The following CSMD1 variants were observed in gnomAD, a reference collection of about 807,000 sequenced individuals.
CSMD1 encodes the protein CUB and sushi domain-containing protein 1.
CSMD1 carries 213 observed loss-of-function variants against 417.5 expected under a neutral mutation model. The ratio of observed to expected loss-of-function variants is 0.51; its 90% CI spans 0.46 to 0.57. CSMD1 has a LOEUF of 0.57. Ranked by LOEUF, CSMD1 falls within the 20% of genes least tolerant of loss-of-function variation. The pLI is 0.00. For synonymous variants in CSMD1, 2,862 were observed against 1,736.8 expected, an observed-to-expected ratio of 1.65 and a Z score of -16.11; for missense variants, 6,923 against 4,529.7, an observed-to-expected ratio of 1.53 and a Z score of -15.17.
intron 54 of CSMD1, among the ~76,000 whole-genome samples, chr8:2,992,164 G>C (rs1342022909): frequency 2.0e-5 from 3 of 151,814 alleles, no homozygotes; most frequent in Non-Finnish European, 4.4e-5. Context: ...CACATGAACA[G>C]ACATGCACAC....
At chr8:3,276,945 G>A (rs541636232) in intron 26 of CSMD1, among the ~76,000 whole-genome samples, 12 of 152,128 alleles carry the variant, frequency 7.9e-5, no homozygotes, top group Non-Finnish European at 1.3e-4. Context: ...AATGGGCTAA[G>A]CACTATTATA....
intron 3 of CSMD1, among the ~76,000 whole-genome samples, chr8:4,216,837 A>G (rs1432458848): frequency 6.6e-6 from 1 of 152,150 alleles, no homozygotes; most frequent in Non-Finnish European, 1.5e-5. Context: ...AAACATGAGG[A>G]TGGGGTGTCA....
intron 1 of CSMD1, among the ~76,000 whole-genome samples, chr8:4,826,083 T>C (rs576515538): frequency 1.3e-5 from 2 of 151,936 alleles, no homozygotes; most frequent in African/African-American, 4.8e-5. Context: ...TGGAGTTTCC[T>C]CAAAAAATTA....
At chr8:4,948,117 C>G (rs1020847693) in intron 1 of CSMD1, among the ~76,000 whole-genome samples, 5 of 151,828 alleles carry the variant, frequency 3.3e-5, no homozygotes, top group Non-Finnish European at 7.4e-5. Context: ...TCCAAATGGT[C>G]GTATCAATTT....
intron 1 of CSMD1, among the ~76,000 whole-genome samples, chr8:4,642,377 T>G (rs551749809): frequency 6.6e-6 from 1 of 152,228 alleles, no homozygotes; most frequent in South Asian, 2.1e-4. Context: ...ACCCCTCCAC[T>G]CTGAACACCC....
At chr8:4,339,778 C>A (rs1313599655) in intron 3 of CSMD1, among the ~76,000 whole-genome samples, 1 of 152,070 alleles carries the variant, frequency 6.6e-6, no homozygotes, top group Non-Finnish European at 1.5e-5. Context: ...AATCCTAATG[C>A]TTTGGGAGAA....
At chr8:3,747,704 C>A (rs778247193) in intron 6 of CSMD1, among the ~76,000 whole-genome samples, 34 of 152,082 alleles carry the variant, frequency 2.2e-4, no homozygotes, top group Admixed American at 1.2e-3. Flanking sequence ...TGGACACATG[C>A]CTGAAATGTT....
At chr8:3,842,116 TA>T (rs1369029037) in intron 5 of CSMD1, among the ~76,000 whole-genome samples, 1 of 152,214 alleles carries the variant, frequency 6.6e-6, no homozygotes, top group East Asian at 1.9e-4. Flanking sequence ...TCATTCTGCC[TA>T]ATTCAACCCC....
chr8:4,026,515 G>A (rs879884996), intron 4 of CSMD1, among the ~76,000 whole-genome samples: 5 of 152,160 alleles, frequency 3.3e-5, no homozygotes, highest in African/African-American at 9.7e-5. Flanking sequence ...TGGAGGATAT[G>A]TAAGCAAAAA....
chr8:3,883,984 C>G (rs1806385685), intron 5 of CSMD1, among the ~76,000 whole-genome samples: 1 of 152,102 alleles, frequency 6.6e-6, no homozygotes, highest in Non-Finnish European at 1.5e-5. Context: ...CTAAGATAAA[C>G]AGACACATTT....
chr8:4,160,116 T>C (rs1487051879), intron 3 of CSMD1, among the ~76,000 whole-genome samples: 6 of 152,014 alleles, frequency 3.9e-5, no homozygotes, highest in Non-Finnish European at 8.8e-5. Flanking sequence ...CTGAGGACAT[T>C]AAAAAATAAC....
Position 3,535,032 on chromosome 8 carries a change from T to G in CSMD1, c.1344+39913A>C, listed in dbSNP as rs74483382. 0.01 allele frequency among the ~76,000 whole-genome samples: 1,597 copies of G among 152,248 alleles called. 80 individuals carry two copies. The East Asian group carries it at 0.16, about 15-fold the overall frequency. On this transcript the variant is annotated intron_variant, in intron 10 of 69. Transcript: ENST00000635120. ...GTGCAATCAGAACTCACCGTAGCAT[T>G]CAACTCCTGGGCTTAAGCCAGTCTC...
At chr8:4,202,216 G>A (rs1002366065) in intron 3 of CSMD1, among the ~76,000 whole-genome samples, 19 of 152,024 alleles carry the variant, frequency 1.2e-4, no homozygotes, top group African/African-American at 4.3e-4. Context: ...AATGAGATGT[G>A]ACTATTTGAT....
intron 5 of CSMD1, among the ~76,000 whole-genome samples, chr8:3,844,823 T>G (rs1210742176): frequency 6.6e-6 from 1 of 152,186 alleles, no homozygotes. Context: ...CAGATTTTGT[T>G]TTTGTTTTTG....
At chr8:3,531,239 C>T (rs1193369592) in intron 10 of CSMD1, among the ~76,000 whole-genome samples, 1 of 152,116 alleles carries the variant, frequency 6.6e-6, no homozygotes, top group Non-Finnish European at 1.5e-5. Flanking sequence ...TTTCAGGTCC[C>T]TCCCATTTCC....
At chr8:4,924,933 T>C (rs1023530618) in intron 1 of CSMD1, among the ~76,000 whole-genome samples, 1 of 152,116 alleles carries the variant, frequency 6.6e-6, no homozygotes, top group Non-Finnish European at 1.5e-5. Context: ...ATCCCGTCTC[T>C]TTTTCTGTAT....
At chr8:4,967,857 A>C in intron 1 of CSMD1, among the ~76,000 whole-genome samples, 1 of 152,202 alleles carries the variant, frequency 6.6e-6, no homozygotes, top group East Asian at 1.9e-4. Flanking sequence ...ACAACTTTAC[A>C]AGTCAAAGGA....
At chr8:3,854,301 A>G (rs1804139353) in intron 5 of CSMD1, among the ~76,000 whole-genome samples, 1 of 151,766 alleles carries the variant, frequency 6.6e-6, no homozygotes, top group Non-Finnish European at 1.5e-5. Flanking sequence ...GTGAAATTTT[A>G]GTAGTGTGCA....
At chr8:3,295,053 G>A (rs1035694773) in intron 25 of CSMD1, among the ~76,000 whole-genome samples, 1 of 151,728 alleles carries the variant, frequency 6.6e-6, no homozygotes, top group African/African-American at 2.4e-5. Context: ...GTGTGTTTAA[G>A]AGTAGTTACA....
Sources: gnomAD v4.1 joint callset for allele counts (sites outside exome capture counted in the v4.1 genomes callset) on GRCh38, gnomAD v4.1.1 for gene constraint, MANE v1.5 for transcripts, NCBI Gene and HGNC (gene_info 2026-07-23, HGNC 2026-07-21) for gene names.